The following CKAP2 variants were observed in gnomAD, a reference collection of about 807,000 sequenced individuals.
CKAP2 encodes the protein cytoskeleton associated protein 2.
A neutral mutation model predicts 58.4 loss-of-function variants in CKAP2; 46 were observed. The observed-to-expected ratio is 0.79, with a 90% CI of 0.62 to 1.01. The LOEUF (loss-of-function observed/expected upper bound fraction) is 1.01. CKAP2 is among the 50% of genes least tolerant of loss of function. CKAP2 has a pLI of 0.00. For missense variants in CKAP2, 809 were observed against 796.4 expected (o/e 1.02, Z -0.19); for synonymous variants, 293 against 280.9 (o/e 1.04, Z -0.43).
At chr13:52,462,677 C>G in intron 5 of CKAP2, 110 bp downstream of exon 5, 1 of 789,438 alleles carries the variant, frequency 1.3e-6, no homozygotes, top group Non-Finnish European at 2.0e-6. Flanking sequence ...GTTGGTGATA[C>G]TATGTTGACT....
intron 5 of CKAP2, among the ~76,000 whole-genome samples, chr13:52,463,008 G>A (rs1958609228): frequency 6.6e-6 from 1 of 152,190 alleles, no homozygotes; most frequent in Admixed American, 6.5e-5. Flanking sequence ...TGTGATCTCA[G>A]CTCACTGTAA....
chr13:52,461,090 G>A lies in CKAP2; in HGVS notation c.264G>A (p.Glu88=). 1 of 1,604,222 alleles carries A rather than the reference G, an allele frequency of 6.2e-7. No individual in the cohort carries two copies. The highest frequency in any genetic ancestry group is 8.5e-7 in the Non-Finnish European group (1 of 1,177,060). ...AAGAAAACATGAAGAGACCTGCAGA[G>A]AGCAAAAATAATACAGTGGTGGGGA... The part of the protein sequence containing the change: ...ADKENMKRPA[E]SKNNTVVGKH... Residue 88 remains glutamate, a synonymous_variant, in exon 4 of 9, where the codon GAG becomes GAA. Transcript: ENST00000258607.
intron 2 of CKAP2, among the ~76,000 whole-genome samples, chr13:52,460,334 G>A (rs1237243517): frequency 6.6e-6 from 1 of 152,154 alleles, no homozygotes; most frequent in African/African-American, 2.4e-5. Flanking sequence ...TTGAAGACTT[G>A]TTTGAATGAC....
chr13:52,468,394 T>G (rs79400735), intron 7 of CKAP2, 47 bp downstream of exon 7: 54,925 of 1,172,720 alleles, frequency 0.047, 1,507 homozygotes, highest in Middle Eastern at 0.07. Flanking sequence ...GTAGTTTTTT[T>G]TTGTTGTTGT....
chr13:52,459,690 TA>T (rs2137836942), intron 2 of CKAP2, among the ~76,000 whole-genome samples: 1 of 152,210 alleles, frequency 6.6e-6, no homozygotes, highest in South Asian at 2.1e-4. Flanking sequence ...GGATCTGTCT[TA>T]AAATCAATGG....
chr13:52,470,973 C>T (rs1323143615), intron 7 of CKAP2, among the ~76,000 whole-genome samples: 3 of 152,124 alleles, frequency 2.0e-5, no homozygotes, highest in Non-Finnish European at 4.4e-5. Context: ...TCCTGGCCAA[C>T]ATGGTGAAAC....
chr13:52,471,551 G>T (rs1958761930), intron 7 of CKAP2, among the ~76,000 whole-genome samples: 1 of 151,550 alleles, frequency 6.6e-6, no homozygotes, highest in Non-Finnish European at 1.5e-5. Context: ...AGCACCACGT[G>T]GGTGTTTCAT....
At position 52,462,423 on chromosome 13, in the gene CKAP2, A is replaced by G. The variant is rs140212356; in HGVS notation, c.1161A>G (p.Ser387=). 1.2e-6 allele frequency: 2 copies of G among 1,614,030 alleles called. No individual in the cohort carries two copies. The highest frequency in any genetic ancestry group is 1.3e-5 in the African/African-American group (1 of 74,940). The change falls in exon 5 of 9, where the codon TCA becomes TCG. Residue 387 remains serine (S), a synonymous_variant. Transcript: ENST00000258607. ...KGRVLKRPPN[S]VVTQHEPAGQ... is the part of the protein sequence containing the mutation. ...GAGTGCTAAAAAGGCCCCCTAATTC[A>G]GTAGTTACTCAGCATGAGCCTGCAG...
rs779526094 is a variant in CKAP2 at position 52,465,464 on chromosome 13, A to T, written c.1475A>T (p.Gln492Leu). The T allele has an allele frequency of 6.2e-6, 10 of 1,610,804 alleles. No homozygotes were observed. In the South Asian group the frequency reaches 1.1e-4, roughly 18 times the overall value. Residue 492 changes from glutamine to leucine, a missense_variant and splice_region_variant, in exon 6 of 9, where the codon CAG (glutamine) becomes CTG (leucine). This residue lies in a region of CKAP2 where 283 missense variants were observed against 287.6 expected (regional missense o/e 0.98). Transcript: ENST00000258607. ...GAGAAAGCCATTCTGGCAGGGGCTCAGGTAAGATAAAAATTTACTGATCTT... is the reference window on the plus strand; with the variant it reads ...GAGAAAGCCATTCTGGCAGGGGCTCTGGTAAGATAAAAATTTACTGATCTT... ...IYEKAILAGAQPIEEMRHTIV... is the reference protein window; with the variant it reads ...IYEKAILAGALPIEEMRHTIV...
intron 5 of CKAP2, among the ~76,000 whole-genome samples, chr13:52,463,937 A>G (rs983685505): frequency 3.3e-5 from 5 of 152,208 alleles, no homozygotes; most frequent in Non-Finnish European, 5.9e-5. Flanking sequence ...AATGATGGTC[A>G]TCTGCATTGT....
chr13:52,471,783 TCACTC>T (rs1463593360), intron 7 of CKAP2, among the ~76,000 whole-genome samples: 2 of 152,162 alleles, frequency 1.3e-5, no homozygotes, highest in East Asian at 1.9e-4. Flanking sequence ...TCTATCTACT[TCACTC>T]CATTCCTACT....
At chr13:52,457,900 C>T (rs1958513232) in intron 2 of CKAP2, among the ~76,000 whole-genome samples, 1 of 151,966 alleles carries the variant, frequency 6.6e-6, no homozygotes, top group Non-Finnish European at 1.5e-5. Flanking sequence ...TATATACCAC[C>T]CACACACATA....
chr13:52,473,386 T>A (rs1445339329), intron 7 of CKAP2: 2 of 155,820 alleles, frequency 1.3e-5, no homozygotes, highest in Non-Finnish European at 2.8e-5. Context: ...CTGCTCCCAC[T>A]CCTAACCTTG....
intron 6 of CKAP2, among the ~76,000 whole-genome samples, chr13:52,466,361 T>G (rs1397719513): frequency 6.6e-6 from 1 of 152,252 alleles, no homozygotes; most frequent in Non-Finnish European, 1.5e-5. Flanking sequence ...TTAAGAAAGA[T>G]CTATTCACCT....
chr13:52,464,443 C>G (rs1029125068), intron 5 of CKAP2, among the ~76,000 whole-genome samples: 1 of 151,256 alleles, frequency 6.6e-6, no homozygotes, highest in Non-Finnish European at 1.5e-5. Flanking sequence ...ATCTCAGCTA[C>G]TCAGAAGGCT....
chr13:52,475,289 C>G lies in CKAP2; in HGVS notation c.*148C>G. 1 of 938,040 alleles carries G rather than the reference C, an allele frequency of 1.1e-6. No individual in the cohort carries two copies. The highest frequency in any genetic ancestry group is 1.9e-5 in the South Asian group (1 of 52,410). The allele number at this position is 938,040 out of a possible 1,614,324, so 58.1% of individuals were successfully genotyped here. On this transcript the variant is annotated 3_prime_UTR_variant, in exon 9 of 9. Transcript: ENST00000258607. ...GGCAGTGAGCTCCTTTACTAACATTCATGTTATGGCAAGAGTTGTCCTCTA... is the reference window on the plus strand; with the variant it reads ...GGCAGTGAGCTCCTTTACTAACATTGATGTTATGGCAAGAGTTGTCCTCTA...
chr13:52,456,834 CAGT>C (rs1243048134), intron 2 of CKAP2, among the ~76,000 whole-genome samples: 1 of 152,180 alleles, frequency 6.6e-6, no homozygotes, highest in African/African-American at 2.4e-5. Flanking sequence ...TTCAAGCACT[CAGT>C]AGCCACATTG....
At chr13:52,465,977 ATG>A (rs928195704) in intron 6 of CKAP2, 3 of 261,340 alleles carry the variant, frequency 1.1e-5, no homozygotes, top group African/African-American at 6.9e-5. Context: ...ACACACATAT[ATG>A]CACACATATA....
At chr13:52,461,962 T>C (rs745828219) in intron 4 of CKAP2, 36 bp downstream of exon 4, 1 of 1,495,172 alleles carries the variant, frequency 6.7e-7, no homozygotes, top group Non-Finnish European at 9.0e-7. Context: ...ACATTAGTTT[T>C]CAATAAAGTA....
Sources: gnomAD v4.1 joint callset for allele counts (sites outside exome capture counted in the v4.1 genomes callset) on GRCh38, gnomAD v4.1.1 for gene constraint, gnomAD v4.1.1 regional missense constraint, MANE v1.5 for transcripts, NCBI Gene and HGNC (gene_info 2026-07-23, HGNC 2026-07-21) for gene names.